The following KIF1A variants were observed in gnomAD, a reference collection of about 807,000 sequenced individuals.
KIF1A encodes kinesin family member 1A.
In KIF1A, 46 loss-of-function variants were observed where a neutral mutation model predicts 227.3. The ratio of observed to expected loss-of-function variants is 0.20; its 90% CI spans 0.16 to 0.26. The LOEUF (loss-of-function observed/expected upper bound fraction) is 0.26, where lower values mean the gene tolerates loss of function less well. KIF1A is among the 10% of genes least tolerant of loss of function. KIF1A has a pLI of 1.00. For synonymous variants in KIF1A, 1,022 were observed against 1,012.8 expected (o/e 1.01, Z -0.17); for missense variants, 1,683 against 2,485.9 (o/e 0.68, Z 6.87).
In KIF1A at chr2:240,810,506, TG is replaced by T. The variant is rs780873859; in HGVS notation, c.-61+9615del. ...GGGTGCCACCACTTTGAAAATAACA[TG>T]GTAACATCTGGAGGGGCTGCAGACC... On this transcript the variant is annotated intron_variant, in intron 1 of 48. Coordinates refer to ENST00000498729, the MANE Select transcript of KIF1A (RefSeq NM_001244008.2). Among the ~76,000 whole-genome samples, 3 of 152,272 alleles carry T rather than the reference TG, an allele frequency of 2.0e-5. No individual in the cohort carries two copies. The South Asian group carries it at 6.2e-4, about 32-fold the overall frequency.
chr2:240,718,131 C>T lies in KIF1A; in HGVS notation c.5252G>A (p.Gly1751Asp). 1 of 1,609,428 alleles carries T rather than the reference C, an allele frequency of 6.2e-7. No individual in the cohort carries two copies. The highest frequency in any genetic ancestry group is 8.5e-7 in the Non-Finnish European group (1 of 1,178,486). Residue 1751 changes from glycine to aspartate, a missense_variant, in exon 48 of 49, where the codon GGC (glycine) becomes GAC (aspartate). Physicochemically the swap from Gly to Asp is moderately conservative, Grantham distance 94 (BLOSUM62 -1). This residue lies in a region of KIF1A where 384 missense variants were observed against 410.1 expected (regional missense o/e 0.94). Coordinates refer to ENST00000498729, the MANE Select transcript of KIF1A (RefSeq NM_001244008.2). ...GTCGCTGGCGGCCTGCAGCAGGATGCCGCGGTGTTCCGTGCACACCGCGAA... is the reference window on the plus strand; with the variant it reads ...GTCGCTGGCGGCCTGCAGCAGGATGTCGCGGTGTTCCGTGCACACCGCGAA... The part of the protein sequence containing the change: ...NTFAVCTEHR[G>D]ILLQAASDKD...
Position 240,789,681 on chromosome 2 carries a change from T to TGCCCC in KIF1A, c.107-374_107-370dup, listed in dbSNP as rs1209093700. On this transcript the variant is annotated intron_variant, in intron 2 of 48. Coordinates refer to ENST00000498729, the MANE Select transcript of KIF1A (RefSeq NM_001244008.2). The surrounding 1 kb of genome is among the most constrained non-coding windows in gnomAD (Gnocchi z 4.8). ...CACCTTGGGCTCACAGCCCCTGCCC[T>TGCCCC]GCCCCGCCCCCTGCTCAGGCCTTTA... Among the ~76,000 whole-genome samples the TGCCCC allele has an allele frequency of 6.6e-6, 1 of 152,138 alleles. No individual in the cohort carries two copies. Among genetic ancestry groups the TGCCCC allele is most frequent in the East Asian group, 1.9e-4 (1 of 5,184 alleles).
chr2:240,719,719 T>TGTC, intron 46 of KIF1A, 55 bp downstream of exon 46: 1 of 1,459,970 alleles, frequency 6.8e-7, no homozygotes. Context: ...GTGGCCTGCC[T>TGTC]GTCCCCTGTC....
intron 11 of KIF1A, among the ~76,000 whole-genome samples, chr2:240,774,566 A>G (rs1438825439): frequency 6.6e-6 from 1 of 152,052 alleles, no homozygotes; most frequent in Non-Finnish European, 1.5e-5. Flanking sequence ...AGCAGAGAGG[A>G]AAGTTGTGGA....
At position 240,752,904 on chromosome 2, in the gene KIF1A, C is replaced by G. The variant is rs1217824797; in HGVS notation, c.2859-2357G>C. Among the ~76,000 whole-genome samples the G allele has an allele frequency of 1.3e-5, 2 of 152,148 alleles. No individual in the cohort carries two copies. The highest frequency in any genetic ancestry group is 4.8e-5 in the African/African-American group (2 of 41,442). The stretch of plus-strand genomic sequence containing the variant: ...GGCACGGGGTTCCTGAATCCATTGG[C>G]GCAGCTCACAGGAAGGAGAGGCTAG... On this transcript the variant is annotated intron_variant, in intron 27 of 48. Transcript: ENST00000498729. This position sits in a 1 kb window ranked among gnomAD's most constrained non-coding sequence, Gnocchi z 6.4.
At chr2:240,732,248 T>C (rs1386663532) in intron 38 of KIF1A, among the ~76,000 whole-genome samples, 2 of 45,180 alleles carry the variant, frequency 4.4e-5, no homozygotes, top group Non-Finnish European at 4.0e-5. Context: ...GAAGAGGGGA[T>C]GAAACATGAG....
chr2:240,717,173 C>CGCACAGCCTCTGCTGGGA lies in KIF1A; in HGVS notation c.*173_*190dup. ...GCACATTCTGCAAGAAGAACTGACA[C>CGCACAGCCTCTGCTGGGA]GCACAGCCTCTGCTGGGAGCACAGC... On this transcript the variant is annotated 3_prime_UTR_variant, in exon 49 of 49. Coordinates refer to ENST00000498729, the MANE Select transcript of KIF1A (RefSeq NM_001244008.2). 5.5e-6 allele frequency: 3 copies of CGCACAGCCTCTGCTGGGA among 546,498 alleles called. No individual in the cohort carries two copies. Among genetic ancestry groups the CGCACAGCCTCTGCTGGGA allele is most frequent in the Non-Finnish European group, 9.8e-6 (3 of 307,506 alleles). 33.9% of individuals were successfully genotyped at this position (546,498 alleles called of 1,614,324 possible).
intron 28 of KIF1A, among the ~76,000 whole-genome samples, chr2:240,748,991 C>G (rs1047282301): frequency 3.3e-5 from 5 of 152,036 alleles, no homozygotes; most frequent in African/African-American, 1.2e-4. Context: ...CGTGATGACG[C>G]ACCCCTGTAG....
At chr2:240,799,585 G>C (rs2056774643) in intron 1 of KIF1A, among the ~76,000 whole-genome samples, 1 of 152,226 alleles carries the variant, frequency 6.6e-6, no homozygotes, top group Admixed American at 6.5e-5. Context: ...CTGCCAGCGT[G>C]GACGGGGGGA....
intron 38 of KIF1A, chr2:240,734,716 T>C (rs1353225988): frequency 1.5e-6 from 2 of 1,304,440 alleles, no homozygotes; most frequent in Admixed American, 4.6e-5. Flanking sequence ...TCACAGATGA[T>C]ACCTAGGTAT....
chr2:240,736,651 G>A lies in KIF1A; in HGVS notation c.4007+412C>T, dbSNP rs1481353100. Among the ~76,000 whole-genome samples the A allele has an allele frequency of 6.6e-6, 1 of 152,164 alleles. No individual in the cohort carries two copies. The highest frequency in any genetic ancestry group is 1.5e-5 in the Non-Finnish European group (1 of 68,034). ...CCTGTGCCAAGCAGTGCCTATGGGC[G>A]CCCACCCCAGCTGCTCCACCTCTAG... On this transcript the variant is annotated intron_variant, in intron 38 of 48. Coordinates refer to ENST00000498729, the MANE Select transcript of KIF1A (RefSeq NM_001244008.2). This position sits in a 1 kb window ranked among gnomAD's most constrained non-coding sequence, Gnocchi z 4.7.
At chr2:240,734,903 C>T (rs574265058) in intron 38 of KIF1A, among the ~76,000 whole-genome samples, 5 of 152,214 alleles carry the variant, frequency 3.3e-5, no homozygotes, top group Non-Finnish European at 5.9e-5. Flanking sequence ...GAGGCAAGGC[C>T]ATGGAAAAGC....
rs535149645 is a variant in KIF1A at position 240,738,436 on chromosome 2, A to G, written c.3902-1268T>C. 7.6e-4 allele frequency among the ~76,000 whole-genome samples: 116 copies of G among 152,296 alleles called. 1 individual carries two copies. Among genetic ancestry groups the G allele is most frequent in the Admixed American group, 7.4e-3 (113 of 15,296 alleles). ...AGTCCTGTCCAACTCACAGGGCTGG[A>G]AAGTCCCATGGCCCTCTTGGGAGGG... On this transcript the variant is annotated intron_variant, in intron 37 of 48. Coordinates refer to ENST00000498729, the MANE Select transcript of KIF1A (RefSeq NM_001244008.2).
chr2:240,782,075 C>G lies in KIF1A; in HGVS notation c.882+515G>C, dbSNP rs867112783. On this transcript the variant is annotated intron_variant, in intron 10 of 48. Transcript: ENST00000498729. ...TTCCTGCCGGTCCCTCGAACGCTTT[C>G]ACGGCTGCCCACGCGGTTCCTCACA... The G allele has an allele frequency of 6.1e-5, 60 of 985,424 alleles. No individual in the cohort carries two copies. In the South Asian group the frequency reaches 1.8e-3, roughly 29 times the overall value. 61.0% of individuals were successfully genotyped at this position (985,424 alleles called of 1,614,324 possible).
At chr2:240,733,042 G>C (rs558460309) in intron 38 of KIF1A, among the ~76,000 whole-genome samples, 3 of 143,346 alleles carry the variant, frequency 2.1e-5, no homozygotes, top group East Asian at 2.3e-4. Flanking sequence ...GGGGAATGAG[G>C]GGGGGATGAG....
intron 38 of KIF1A, among the ~76,000 whole-genome samples, chr2:240,731,879 A>AGGGATGAG (rs1299374836): frequency 7.8e-5 from 2 of 25,770 alleles, no homozygotes; most frequent in African/African-American, 4.1e-4. Flanking sequence ...TTGGGGGGTA[A>AGGGATGAG]GGGATGAGGG....
intron 8 of KIF1A, 51 bp downstream of exon 8, chr2:240,783,688 G>A: frequency 1.4e-6 from 2 of 1,444,032 alleles, no homozygotes; most frequent in South Asian, 1.2e-5. Context: ...CACCCACTCT[G>A]GAGCAGGCCA....
upstream of KIF1A, among the ~76,000 whole-genome samples, chr2:240,821,345 TC>T (rs1241568542): frequency 1.3e-5 from 2 of 152,170 alleles, no homozygotes; most frequent in African/African-American, 4.8e-5. Context: ...TTCACCTCAG[TC>T]CCGACAGCTG....
At chr2:240,741,197 C>G (rs1485884055) in intron 35 of KIF1A, 72 bp downstream of exon 35, 1 of 1,047,438 alleles carries the variant, frequency 9.5e-7, no homozygotes, top group East Asian at 2.6e-5. Flanking sequence ...TCAGGCAGCT[C>G]AAGTCCTCGT....
Sources: allele counts gnomAD v4.1 joint callset (sites outside exome capture counted in the v4.1 genomes callset), GRCh38; gene constraint gnomAD v4.1.1; regional missense constraint gnomAD v4.1.1; non-coding constraint Gnocchi (gnomAD v3.1); transcripts MANE v1.5; gene names NCBI Gene and HGNC (gene_info 2026-07-23, HGNC 2026-07-21).